The following CDH18 variants were observed in gnomAD, a reference collection of about 807,000 sequenced individuals.
CDH18 encodes the protein cadherin-18.
A neutral mutation model predicts 67.9 loss-of-function variants in CDH18; 31 were observed. That is an observed-to-expected ratio of 0.46 (90% confidence interval 0.34 to 0.62). The LOEUF is 0.62. CDH18 is among the 20% of genes least tolerant of loss of function. The pLI is 0.01. For missense variants in CDH18, 890 were observed against 975.5 expected, an observed-to-expected ratio of 0.91 and a Z score of 1.17; for synonymous variants, 362 against 347.2, an observed-to-expected ratio of 1.04 and a Z score of -0.48.
At chr5:20,262,001 A>G (rs1282433527) in intron 1 of CDH18, among the ~76,000 whole-genome samples, 2 of 152,148 alleles carry the variant, frequency 1.3e-5, no homozygotes, top group Non-Finnish European at 2.9e-5. Context: ...TTTCAACCTA[A>G]AAATGATAAT....
chr5:20,300,292 TTG>T (rs796151202), intron 1 of CDH18, among the ~76,000 whole-genome samples: 77 of 106,720 alleles, frequency 7.2e-4, no homozygotes, highest in African/African-American at 1.9e-3. Flanking sequence ...ATAGATTAAG[TTG>T]TGTGTGTGCG....
chr5:20,377,133 A>G (rs1743517313), intron 1 of CDH18, among the ~76,000 whole-genome samples: 1 of 152,192 alleles, frequency 6.6e-6, no homozygotes, highest in South Asian at 2.1e-4. Context: ...AAGAAAGTAG[A>G]AACTCCGTGT....
intron 7 of CDH18, among the ~76,000 whole-genome samples, chr5:19,572,580 G>A (rs1309441499): frequency 6.6e-6 from 1 of 152,160 alleles, no homozygotes; most frequent in African/African-American, 2.4e-5. Flanking sequence ...TTCAGAGCTG[G>A]TGTCTGGTAG....
chr5:20,460,745 G>T (rs939867233), intron 1 of CDH18, among the ~76,000 whole-genome samples: 2 of 152,106 alleles, frequency 1.3e-5, no homozygotes, highest in African/African-American at 4.8e-5. Flanking sequence ...CAAATAATCT[G>T]CTGTAAATAT....
intron 2 of CDH18, among the ~76,000 whole-genome samples, chr5:20,127,133 C>A (rs2126453811): frequency 6.6e-6 from 1 of 152,198 alleles, no homozygotes; most frequent in Non-Finnish European, 1.5e-5. Flanking sequence ...TGGTTTCCCC[C>A]TTGTGGTTCT....
At chr5:20,323,267 G>A (rs944335185) in intron 1 of CDH18, among the ~76,000 whole-genome samples, 9 of 152,052 alleles carry the variant, frequency 5.9e-5, no homozygotes, top group Non-Finnish European at 1.0e-4. Context: ...TATTAGATTG[G>A]TCCCTTGTCT....
At chr5:20,501,513 TATTATATAC>T (rs1754263132) in intron 1 of CDH18, among the ~76,000 whole-genome samples, 1 of 35,076 alleles carries the variant, frequency 2.9e-5, no homozygotes, top group Non-Finnish European at 6.2e-5. Flanking sequence ...ATTTTATATA[TATTATATAC>T]ATATTATATA....
intron 2 of CDH18, among the ~76,000 whole-genome samples, chr5:20,011,958 G>A (rs1737478448): frequency 6.6e-6 from 1 of 152,120 alleles, no homozygotes; most frequent in African/African-American, 2.4e-5. Flanking sequence ...CTCATAGAAT[G>A]AGTTAGGGAG....
intron 1 of CDH18, among the ~76,000 whole-genome samples, chr5:20,358,029 A>G (rs1741774776): frequency 6.6e-6 from 1 of 152,234 alleles, no homozygotes; most frequent in African/African-American, 2.4e-5. Context: ...CATTATTCTA[A>G]GCAAACTAGG....
chr5:19,843,342 G>A (rs1326682856), intron 2 of CDH18, among the ~76,000 whole-genome samples: 1 of 152,180 alleles, frequency 6.6e-6, no homozygotes, highest in African/African-American at 2.4e-5. Flanking sequence ...TGCTTCAGAG[G>A]GTGCAAGCAC....
intron 11 of CDH18, among the ~76,000 whole-genome samples, chr5:19,489,311 A>C (rs1403322015): frequency 6.9e-6 from 1 of 145,584 alleles, no homozygotes; most frequent in Non-Finnish European, 1.5e-5. Flanking sequence ...GCAGTGGTGC[A>C]ATCTTGGCTC....
chr5:19,624,521 C>T (rs1346034388), intron 5 of CDH18, among the ~76,000 whole-genome samples: 1 of 152,040 alleles, frequency 6.6e-6, no homozygotes, highest in Non-Finnish European at 1.5e-5. Context: ...TATGTATATG[C>T]TTTTTTCCTT....
chr5:19,939,846 C>A (rs1164238915), intron 2 of CDH18, among the ~76,000 whole-genome samples: 1 of 151,802 alleles, frequency 6.6e-6, no homozygotes, highest in Non-Finnish European at 1.5e-5. Context: ...AAAGACTCAT[C>A]AATTTAAAGG....
chr5:19,475,619 A>G (rs1738323125), intron 12 of CDH18, among the ~76,000 whole-genome samples: 1 of 152,068 alleles, frequency 6.6e-6, no homozygotes. Flanking sequence ...ACACACAGGC[A>G]AATATTGTGC....
At chr5:20,573,263 G>A (rs796365313) in intron 1 of CDH18, among the ~76,000 whole-genome samples, 9 of 151,400 alleles carry the variant, frequency 5.9e-5, no homozygotes, top group African/African-American at 2.2e-4. Context: ...TCTATTCACA[G>A]AAAAAAAACT....
intron 2 of CDH18, among the ~76,000 whole-genome samples, chr5:19,942,233 A>C (rs1225717565): frequency 6.6e-6 from 1 of 152,154 alleles, no homozygotes; most frequent in Non-Finnish European, 1.5e-5. Context: ...GAAGAATTTC[A>C]GTGTGGTCAT....
At chr5:19,589,120 G>A (rs939306910) in intron 7 of CDH18, among the ~76,000 whole-genome samples, 10 of 151,936 alleles carry the variant, frequency 6.6e-5, no homozygotes, top group African/African-American at 1.4e-4. Context: ...CATTCTCCTC[G>A]TTGCCACATG....
intron 3 of CDH18, among the ~76,000 whole-genome samples, chr5:19,800,321 A>C (rs1242021624): frequency 6.6e-6 from 1 of 152,188 alleles, no homozygotes; most frequent in African/African-American, 2.4e-5. Flanking sequence ...CAGAGCATTT[A>C]GCACGTAGTC....
chr5:20,430,294 C>T (rs957978488), intron 1 of CDH18, among the ~76,000 whole-genome samples: 2 of 152,156 alleles, frequency 1.3e-5, no homozygotes, highest in African/African-American at 4.8e-5. Flanking sequence ...GACACATCAG[C>T]CACTTTGCAC....
Sources: gnomAD v4.1 joint callset for allele counts (sites outside exome capture counted in the v4.1 genomes callset) on GRCh38, gnomAD v4.1.1 for gene constraint, MANE v1.5 for transcripts, NCBI Gene and HGNC (gene_info 2026-07-23, HGNC 2026-07-21) for gene names.